The following DEDD variants were observed in gnomAD, a reference collection of about 807,000 sequenced individuals.
The protein encoded by DEDD is death effector domain containing.
In DEDD, 3 loss-of-function variants were observed where a neutral mutation model predicts 29.2. The ratio of observed to expected loss-of-function variants is 0.10; its 90% CI spans 0.05 to 0.27. The LOEUF is 0.27. Among genes scored for constraint, DEDD ranks in the 10% least tolerant of loss-of-function variants. The probability of loss-of-function intolerance (pLI) is 1.00; values close to 1 mark genes in which losing one functional copy is unlikely to be tolerated. For missense variants in DEDD, 261 were observed against 420.5 expected (o/e 0.62, Z 3.32); for synonymous variants, 152 against 161.3 (o/e 0.94, Z 0.44).
chr1:161,128,663 C>T (rs1277064578), intron 2 of DEDD, among the ~76,000 whole-genome samples: 1 of 151,892 alleles, frequency 6.6e-6, no homozygotes, highest in Admixed American at 6.6e-5. Flanking sequence ...AATCATGCAG[C>T]ACAAAATGTC....
chr1:161,125,609 C>T (rs1656081429), intron 2 of DEDD, among the ~76,000 whole-genome samples: 1 of 152,128 alleles, frequency 6.6e-6, no homozygotes, highest in Non-Finnish European at 1.5e-5. Flanking sequence ...TCAAGCAATT[C>T]TCGTGCCTCA....
At chr1:161,123,971 AG>A (rs1264080476) in intron 3 of DEDD, 25 bp from the exon 4 acceptor site, 1 of 1,611,272 alleles carries the variant, frequency 6.2e-7, no homozygotes, top group Admixed American at 1.7e-5. Context: ...GTAATCATTC[AG>A]GAAAATATAC....
rs1326230273 is a variant in DEDD, at chr1:161,126,741, T to C, written c.-64-2215A>G. 2.6e-5 allele frequency among the ~76,000 whole-genome samples: 4 copies of C among 152,212 alleles called. No individual in the cohort carries two copies. The East Asian group carries it at 5.8e-4, about 22-fold the overall frequency. On this transcript the variant is annotated intron_variant, in intron 2 of 5. Coordinates refer to ENST00000368006, the MANE Select transcript of DEDD (RefSeq NM_032998.3). ...ACATCCGCTTTTTATTCTCTAACATTATCAGTTTGTTTATAGTTCACATAC... is the reference window on the plus strand; with the variant it reads ...ACATCCGCTTTTTATTCTCTAACATCATCAGTTTGTTTATAGTTCACATAC...
rs751790653 is a variant in DEDD at position 161,124,217 on chromosome 1, A to G, written c.246T>C (p.Phe82=). Residue 82 remains phenylalanine, a synonymous_variant, in exon 3 of 6, where the codon TTT becomes TTC. Transcript: ENST00000368006. ...ERQGRCDESN[F]RQVLQLLRII... is the part of the protein sequence containing the mutation. The stretch of plus-strand genomic sequence containing the variant: ...TGCGCAGCAGCTGCAGCACCTGGCG[A>G]AAGTTACTTTCATCACAGCGGCCCT... 7 of 1,614,232 alleles carry G rather than the reference A, an allele frequency of 4.3e-6. No individual in the cohort carries two copies. The highest frequency in any genetic ancestry group is 5.1e-6 in the Non-Finnish European group (6 of 1,180,044).
At position 161,123,131 on chromosome 1, in the gene DEDD, C is replaced by T. The variant is rs1317207570; in HGVS notation, c.524G>A (p.Ser175Asn). 2 of 1,614,226 alleles carry T rather than the reference C, an allele frequency of 1.2e-6. No homozygotes were observed. Among genetic ancestry groups the T allele is most frequent in the Non-Finnish European group, 1.7e-6 (2 of 1,180,042 alleles). Residue 175 changes from serine (S) to asparagine (N), a missense_variant, in exon 5 of 6, where the codon AGC (serine) becomes AAC (asparagine). By Grantham distance (46) the Ser-to-Asn change is conservative. Around this residue, in one of 2 missense-constraint regions of DEDD, gnomAD observed 203 missense variants for 268.7 expected, o/e 0.76. Coordinates refer to ENST00000368006, the MANE Select transcript of DEDD (RefSeq NM_032998.3). ...RPARGRATLG[S>N]QRKRRKSVTP... ...CACTGACTTCCGGCGTTTTCGCTGG[C>T]TCCCAAGTGTGGCTCTCCCTCGGGC...
At position 161,123,953 on chromosome 1, in the gene DEDD, G is replaced by A. The variant is rs1655860014; in HGVS notation, c.326-7C>T. On this transcript the variant is annotated splice_polypyrimidine_tract_variant and splice_region_variant and intron_variant, in intron 3 of 5. Transcript: ENST00000368006. ...TCTACAAGATCAGGGCACACTGTAG[G>A]AGGAGAAGTAATCATTCAGGAAAAT... 1 of 1,613,060 alleles carries A rather than the reference G, an allele frequency of 6.2e-7. No individual in the cohort carries two copies. The highest frequency in any genetic ancestry group is 1.1e-5 in the South Asian group (1 of 90,978).
At chr1:161,123,027 ATTCTCC>A in intron 5 of DEDD, 42 bp downstream of exon 5, 1 of 1,614,204 alleles carries the variant, frequency 6.2e-7, no homozygotes, top group African/African-American at 1.3e-5. Flanking sequence ...AGTTCTTTAT[ATTCTCC>A]TTCAAGTCTG....
Position 161,122,004 on chromosome 1 carries a change from C to T in DEDD, c.*143G>A. The T allele has an allele frequency of 2.6e-6, 3 of 1,168,668 alleles. No individual in the cohort carries two copies. Among genetic ancestry groups the T allele is most frequent in the Non-Finnish European group, 3.6e-6 (3 of 844,826 alleles). 72.4% of individuals were successfully genotyped at this position (1,168,668 alleles called of 1,614,324 possible). A position where few individuals can be genotyped will look rare whatever the true frequency, so the allele number is the denominator to read the frequency against. On this transcript the variant is annotated 3_prime_UTR_variant, in exon 6 of 6. Transcript: ENST00000368006. The surrounding 1 kb of genome is among the most constrained non-coding windows in gnomAD (Gnocchi z 4.2). ...GGAGGGGTGGGGAATACCACTTCCA[C>T]TTTCTTTTGTCTTTTTCTTTAAAAA...
At chr1:161,129,465 G>A (rs1656479178) in intron 2 of DEDD, among the ~76,000 whole-genome samples, 1 of 150,356 alleles carries the variant, frequency 6.7e-6, no homozygotes, top group Non-Finnish European at 1.5e-5. Flanking sequence ...GGCATAGTGG[G>A]ACATACCTGT....
At chr1:161,128,865 A>G (rs1656395447) in intron 2 of DEDD, among the ~76,000 whole-genome samples, 1 of 152,142 alleles carries the variant, frequency 6.6e-6, no homozygotes, top group South Asian at 2.1e-4. Flanking sequence ...GTCCAACTGC[A>G]CTAAGGTGTT....
chr1:161,131,899 C>A (rs1656707702), intron 1 of DEDD, among the ~76,000 whole-genome samples: 1 of 152,016 alleles, frequency 6.6e-6, no homozygotes, highest in Non-Finnish European at 1.5e-5. Flanking sequence ...ATCTCCCATT[C>A]CACTCCCCTT....
chr1:161,126,143 C>T (rs1237481798), intron 2 of DEDD, among the ~76,000 whole-genome samples: 1 of 152,082 alleles, frequency 6.6e-6, no homozygotes, highest in Non-Finnish European at 1.5e-5. Context: ...CCTCCACTGC[C>T]ATGGTTCAGA....
intron 2 of DEDD, among the ~76,000 whole-genome samples, chr1:161,128,605 G>GAAA (rs992312733): frequency 2.6e-5 from 4 of 151,768 alleles, no homozygotes; most frequent in Admixed American, 6.6e-5. Context: ...TGTCTCAAAA[G>GAAA]AAAAAAGAAA....
Position 161,122,024 on chromosome 1 carries a change from T to TAAAAA in DEDD, c.*118_*122dup. ...TTCCACTTTCTTTTGTCTTTTTCTT[T>TAAAAA]AAAAAAAAAAAAAAAAAGGCAGGGG... On this transcript the variant is annotated 3_prime_UTR_variant, in exon 6 of 6. Transcript: ENST00000368006. This position sits in a 1 kb window ranked among gnomAD's most constrained non-coding sequence, Gnocchi z 4.2. The TAAAAA allele has an allele frequency of 6.6e-6, 7 of 1,068,130 alleles. No individual in the cohort carries two copies. Among genetic ancestry groups the TAAAAA allele is most frequent in the Non-Finnish European group, 9.0e-6 (7 of 781,922 alleles). 66.2% of individuals were successfully genotyped at this position (1,068,130 alleles called of 1,614,324 possible).
chr1:161,122,543 C>T lies in DEDD; in HGVS notation c.581-20G>A, dbSNP rs762818001. The T allele has an allele frequency of 5.0e-6, 8 of 1,609,588 alleles. No homozygotes were observed. Among genetic ancestry groups the T allele is most frequent in the South Asian group, 1.1e-5 (1 of 90,928 alleles). ...TGATGTCTGTTGGAAACAGAAGATA[C>T]AGAGCAGAAGAGGTTACAGTAAGGG... is the stretch of plus-strand genomic sequence containing the variant. On this transcript the variant is annotated intron_variant, in intron 5 of 5. Coordinates refer to ENST00000368006, the MANE Select transcript of DEDD (RefSeq NM_032998.3). The surrounding 1 kb of genome is among the most constrained non-coding windows in gnomAD (Gnocchi z 4.2).
At chr1:161,132,055 C>T (rs963321555) in intron 1 of DEDD, 1 of 152,110 alleles carries the variant, frequency 6.6e-6, no homozygotes, top group African/African-American at 2.4e-5. Flanking sequence ...CAATTTAACA[C>T]TTTCGAAGCC....
At chr1:161,124,116 C>A (rs1194174650) in intron 3 of DEDD, 22 bp downstream of exon 3, 1 of 1,600,350 alleles carries the variant, frequency 6.2e-7, no homozygotes, top group African/African-American at 1.3e-5. Flanking sequence ...TTCCCTGATT[C>A]CAGCCCCTAA....
At chr1:161,126,763 A>C (rs1406157422) in intron 2 of DEDD, among the ~76,000 whole-genome samples, 2 of 152,136 alleles carry the variant, frequency 1.3e-5, no homozygotes, top group Admixed American at 6.6e-5. Flanking sequence ...TATAGTTCAC[A>C]TACATCATGC....
In DEDD at chr1:161,122,972, A is replaced by G. The variant is rs768730469; in HGVS notation, c.580+103T>C. ...CAGCCTCACTTTGCAATGGCAATCA[A>G]AGTGAATCTCACACTGAATAGCATA... On this transcript the variant is annotated intron_variant, in intron 5 of 5. Transcript: ENST00000368006. This position sits in a 1 kb window ranked among gnomAD's most constrained non-coding sequence, Gnocchi z 4.2. 8.7e-6 allele frequency: 14 copies of G among 1,609,274 alleles called. No individual in the cohort carries two copies. In the South Asian group the frequency reaches 1.4e-4, roughly 16 times the overall value.
Sources: allele counts gnomAD v4.1 joint callset (sites outside exome capture counted in the v4.1 genomes callset), GRCh38; gene constraint gnomAD v4.1.1; regional missense constraint gnomAD v4.1.1; non-coding constraint Gnocchi (gnomAD v3.1); transcripts MANE v1.5; gene names NCBI Gene and HGNC (gene_info 2026-07-23, HGNC 2026-07-21).